Variants in MYRIP observed in about 807,000 individuals in gnomAD.
MYRIP encodes the protein myosin VIIA and Rab interacting protein.
Under a neutral mutation model 98.0 loss-of-function variants are expected in MYRIP, and 49 were observed. That is an observed-to-expected ratio of 0.50 (90% CI 0.40 to 0.63). MYRIP has a LOEUF of 0.63. Ranked by LOEUF, MYRIP falls within the 30% of genes least tolerant of loss-of-function variation. MYRIP has a pLI of 0.00. For synonymous variants in MYRIP, 404 were observed against 409.5 expected, an observed-to-expected ratio of 0.99 and a Z score of 0.16; for missense variants, 1,004 against 1,058.2, an observed-to-expected ratio of 0.95 and a Z score of 0.71.
chr3:40,042,951 A>G (rs1350994402), intron 2 of MYRIP, among the ~76,000 whole-genome samples: 2 of 152,204 alleles, frequency 1.3e-5, no homozygotes, highest in African/African-American at 2.4e-5. Flanking sequence ...ATAGTCCACC[A>G]TAGAATATCT....
Position 40,234,014 on chromosome 3 carries a change from A to G in MYRIP, c.2061A>G (p.Gln687=). Residue 687 remains glutamine, a synonymous_variant, in exon 12 of 17, where the codon CAA becomes CAG. Transcript: ENST00000302541. The stretch of plus-strand genomic sequence containing the variant: ...GGATGTTTCCTCGTGGGACAGACCA[A>G]GTGAGACTGGATGAGCAGCTGACTT... ...QKGMFPRGTD[Q]VRLDEQLTSL... is the part of the protein sequence containing the mutation. 1 of 1,610,458 alleles carries G rather than the reference A, an allele frequency of 6.2e-7. No individual in the cohort carries two copies. Among genetic ancestry groups the G allele is most frequent in the Non-Finnish European group, 8.5e-7 (1 of 1,179,046 alleles).
At chr3:39,916,411 A>C (rs1013692290) in intron 2 of MYRIP, among the ~76,000 whole-genome samples, 29 of 150,820 alleles carry the variant, frequency 1.9e-4, no homozygotes, top group African/African-American at 2.9e-4. Context: ...TTGAGAACAA[A>C]AAAAAAAAAA....
intron 10 of MYRIP, among the ~76,000 whole-genome samples, chr3:40,190,693 T>G (rs1951184597): frequency 6.6e-6 from 1 of 152,108 alleles, no homozygotes; most frequent in African/African-American, 2.4e-5. Flanking sequence ...TTTGTGAGTG[T>G]GGCCCCCAGA....
At chr3:39,916,680 C>T (rs1193597806) in intron 2 of MYRIP, among the ~76,000 whole-genome samples, 1 of 152,054 alleles carries the variant, frequency 6.6e-6, no homozygotes, top group Non-Finnish European at 1.5e-5. Context: ...CACAAACCTT[C>T]CTCATTTGTA....
intron 4 of MYRIP, among the ~76,000 whole-genome samples, chr3:40,160,006 T>G (rs1657384791): frequency 1.3e-5 from 2 of 152,240 alleles, no homozygotes; most frequent in Non-Finnish European, 2.9e-5. Flanking sequence ...GTCAAAGTCA[T>G]TCTCCGTCCA....
intron 3 of MYRIP, among the ~76,000 whole-genome samples, chr3:40,051,774 T>C (rs965503219): frequency 2.0e-5 from 3 of 152,214 alleles, no homozygotes; most frequent in African/African-American, 7.2e-5. Flanking sequence ...TTCCTTGGAA[T>C]TGAGTATTAT....
intron 1 of MYRIP, among the ~76,000 whole-genome samples, chr3:39,837,455 C>T (rs1575289448): frequency 6.6e-6 from 1 of 152,128 alleles, no homozygotes; most frequent in Non-Finnish European, 1.5e-5. Flanking sequence ...TTTCCTAACA[C>T]CATTTATTAA....
rs116459107 is a variant in MYRIP, at chr3:40,154,991, T to C, written c.469+3807T>C. Among the ~76,000 whole-genome samples the C allele has an allele frequency of 8.6e-3, 1,313 of 152,224 alleles. 22 individuals carry two copies. Among genetic ancestry groups the C allele is most frequent in the African/African-American group, 0.03 (1,262 of 41,548 alleles). On this transcript the variant is annotated intron_variant, in intron 4 of 16. Coordinates refer to ENST00000302541, the MANE Select transcript of MYRIP (RefSeq NM_015460.4). ...TCTAATTTTGTTTTTATTTTTATTA[T>C]TTTTTTATTATTATTATACTTTAAG...
chr3:40,134,535 G>C (rs1198347411), intron 3 of MYRIP, among the ~76,000 whole-genome samples: 1 of 152,240 alleles, frequency 6.6e-6, no homozygotes, highest in Non-Finnish European at 1.5e-5. Flanking sequence ...GAAGAGAGTA[G>C]TGGTTCTCCC....
chr3:39,891,772 A>T (rs1943493670), intron 1 of MYRIP, among the ~76,000 whole-genome samples: 1 of 152,170 alleles, frequency 6.6e-6, no homozygotes, highest in Admixed American at 6.5e-5. Flanking sequence ...CAATAGGTTA[A>T]CATGAAGAAT....
chr3:40,102,768 A>T (rs1948971060), intron 3 of MYRIP, among the ~76,000 whole-genome samples: 1 of 151,966 alleles, frequency 6.6e-6, no homozygotes, highest in Non-Finnish European at 1.5e-5. Flanking sequence ...GGGAGGCCTG[A>T]TAGGGGATTC....
At chr3:40,078,079 G>A (rs976048227) in intron 3 of MYRIP, among the ~76,000 whole-genome samples, 1 of 152,254 alleles carries the variant, frequency 6.6e-6, no homozygotes, top group African/African-American at 2.4e-5. Flanking sequence ...CCCGCGGGAA[G>A]GCAGCTAAGG....
intron 1 of MYRIP, among the ~76,000 whole-genome samples, chr3:39,815,789 G>A (rs9879098): frequency 0.2 from 30,055 of 151,760 alleles, 3,079 homozygotes; most frequent in South Asian, 0.29. Flanking sequence ...CTTTGATAAT[G>A]TTTTAAATAT....
At position 40,057,054 on chromosome 3, in the gene MYRIP, G is replaced by A. The variant is rs546405908; in HGVS notation, c.332+12783G>A. 4.6e-5 allele frequency among the ~76,000 whole-genome samples: 7 copies of A among 152,176 alleles called. No homozygotes were observed. In the South Asian group the frequency reaches 1.5e-3, roughly 32 times the overall value. On this transcript the variant is annotated intron_variant, in intron 3 of 16. Coordinates refer to ENST00000302541, the MANE Select transcript of MYRIP (RefSeq NM_015460.4). ...TGATGTGATAGTAACAGTGTTGCCG[G>A]CTTCTCTAGGAGCCCTAAAGAAGAG...
At chr3:40,201,783 G>T (rs1951567449) in intron 10 of MYRIP, among the ~76,000 whole-genome samples, 1 of 152,194 alleles carries the variant, frequency 6.6e-6, no homozygotes, top group African/African-American at 2.4e-5. Context: ...TCTGGGTGCT[G>T]TTATCACACC....
At chr3:39,985,119 G>C (rs960327674) in intron 2 of MYRIP, among the ~76,000 whole-genome samples, 3 of 151,894 alleles carry the variant, frequency 2.0e-5, no homozygotes, top group South Asian at 2.1e-4. Flanking sequence ...TAGATTCTGG[G>C]AAAATCAATG....
chr3:40,173,699 C>T (rs1038396230), intron 8 of MYRIP: 4 of 152,250 alleles, frequency 2.6e-5, no homozygotes, highest in Non-Finnish European at 5.9e-5. Flanking sequence ...TCAGTCCACC[C>T]AGGACACAGG....
chr3:40,151,440 G>A (rs1230466265), intron 4 of MYRIP, among the ~76,000 whole-genome samples: 1 of 152,206 alleles, frequency 6.6e-6, no homozygotes, highest in African/African-American at 2.4e-5. Context: ...TCTACAAATT[G>A]TGATTATTTT....
intron 2 of MYRIP, among the ~76,000 whole-genome samples, chr3:39,952,862 G>A (rs1945060079): frequency 6.6e-6 from 1 of 152,136 alleles, no homozygotes; most frequent in South Asian, 2.1e-4. Context: ...CTGAGTATGT[G>A]TGCAGCCTCC....
Sources: allele counts gnomAD v4.1 joint callset (sites outside exome capture counted in the v4.1 genomes callset), GRCh38; gene constraint gnomAD v4.1.1; transcripts MANE v1.5; gene names NCBI Gene and HGNC (gene_info 2026-07-23, HGNC 2026-07-21).